POFUT4: variants seen among roughly 807,000 people sequenced by gnomAD.
POFUT4 encodes the protein protein O-fucosyltransferase 4, also known as GDP-fucose protein O-fucosyltransferase 4.
the POFUT4 span, chr10:73,773,682 GCCGAGAAAGCCCACGCGGCC>G: frequency 6.2e-7 from 1 of 1,614,236 alleles, no homozygotes; most frequent in South Asian, 1.1e-5. Context: ...TCGGCTGGAT[GCCGAGAAAGCCCACGCGGCC>G]TCTCCCGGGG....
the POFUT4 span, among the ~76,000 whole-genome samples, chr10:73,777,146 A>G: frequency 6.6e-6 from 1 of 152,206 alleles, no homozygotes; most frequent in Non-Finnish European, 1.5e-5. Flanking sequence ...TGGCTGTTAT[A>G]TGCCTTGTCA....
the POFUT4 span, chr10:73,772,413 T>C: frequency 1.9e-6 from 3 of 1,573,168 alleles, no homozygotes; most frequent in Non-Finnish European, 2.6e-6. Context: ...CATGGGTCCG[T>C]AGCGGAGAGG....
the POFUT4 span, chr10:73,773,635 A>G: frequency 5.4e-5 from 87 of 1,614,160 alleles, no homozygotes; most frequent in African/African-American, 9.3e-5. Context: ...AACTACCTCA[A>G]CGGCTTCGAG....
At chr10:73,774,851 C>T in the POFUT4 span, 1 of 155,238 alleles carries the variant, frequency 6.4e-6, no homozygotes, top group Non-Finnish European at 1.4e-5. Flanking sequence ...GCAAGCCACA[C>T]CTATTGGGGG....
chr10:73,772,798 G>C, the POFUT4 span: 1 of 1,611,528 alleles, frequency 6.2e-7, no homozygotes. Context: ...ACAACTTCTT[G>C]CTGAGCCACG....
the POFUT4 span, chr10:73,775,246 G>A: frequency 3.0e-5 from 19 of 629,212 alleles, no homozygotes; most frequent in Non-Finnish European, 4.5e-5. Context: ...GCCACTTCCA[G>A]TCTGGCCTCT....
chr10:73,773,906 C>A, the POFUT4 span: 1 of 1,404,202 alleles, frequency 7.1e-7, no homozygotes, highest in Non-Finnish European at 9.5e-7. Flanking sequence ...TGAGCAGGTG[C>A]AGGAGGAAAT....
At chr10:73,777,556 CTTTTT>C in the POFUT4 span, among the ~76,000 whole-genome samples, 1 of 142,784 alleles carries the variant, frequency 7.0e-6, no homozygotes, top group Non-Finnish European at 1.5e-5. Flanking sequence ...TTCCCTATGA[CTTTTT>C]TTTTTTTTTT....
the POFUT4 span, chr10:73,775,116 T>C: frequency 2.6e-6 from 1 of 382,106 alleles, no homozygotes; most frequent in Admixed American, 4.1e-5. Flanking sequence ...GTTATGTCTT[T>C]TCTAGATACT....
the POFUT4 span, chr10:73,772,882 G>C: frequency 1.9e-6 from 3 of 1,612,096 alleles, no homozygotes; most frequent in Middle Eastern, 3.3e-4. Context: ...CGCTGCAGTG[G>C]CTGCCCGGGA....
At chr10:73,773,938 A>T in the POFUT4 span, 5 of 1,102,164 alleles carry the variant, frequency 4.5e-6, no homozygotes, top group Non-Finnish European at 6.3e-6. Flanking sequence ...CTCATTCTGT[A>T]TTTAAGGTGT....
chr10:73,775,329 G>A, the POFUT4 span: 1 of 1,151,464 alleles, frequency 8.7e-7, no homozygotes, highest in Non-Finnish European at 1.3e-6. Context: ...TAATTGATTG[G>A]GTAGTCTGTG....
the POFUT4 span, chr10:73,772,719 C>T: frequency 6.3e-7 from 1 of 1,587,440 alleles, no homozygotes; most frequent in Non-Finnish European, 8.5e-7. Flanking sequence ...GACTTCCGCG[C>T]GTCGGCCGCC....
At chr10:73,772,932 GCGCGGAGTGGCGCCGC>G in the POFUT4 span, 6 of 1,608,258 alleles carry the variant, frequency 3.7e-6, no homozygotes, top group Non-Finnish European at 4.2e-6. Flanking sequence ...CCCATGGAAC[GCGCGGAGTGGCGCCGC>G]CGCGGCTACG....
At chr10:73,773,009 C>T in the POFUT4 span, 1 of 1,584,184 alleles carries the variant, frequency 6.3e-7, no homozygotes, top group Non-Finnish European at 8.6e-7. Flanking sequence ...GGACCGGGAC[C>T]GCTACGTGCG....
chr10:73,778,963 AC>A, the POFUT4 span: 1 of 150,806 alleles, frequency 6.6e-6, no homozygotes, highest in Non-Finnish European at 1.5e-5. Flanking sequence ...ACATGGTAAA[AC>A]CCCATCTCTA....
At chr10:73,777,177 C>T in the POFUT4 span, among the ~76,000 whole-genome samples, 1 of 152,076 alleles carries the variant, frequency 6.6e-6, no homozygotes, top group Admixed American at 6.6e-5. Context: ...TTGCCCTATC[C>T]TCTTTTTGAT....
chr10:73,772,914 T>G, the POFUT4 span: 1 of 1,610,976 alleles, frequency 6.2e-7, no homozygotes, highest in Admixed American at 1.7e-5. Flanking sequence ...CGCCGCCCGG[T>G]GCCTCCGCCC....
the POFUT4 span, chr10:73,780,097 G>A: frequency 5.3e-5 from 8 of 152,214 alleles, no homozygotes; most frequent in Admixed American, 5.2e-4. Context: ...GTATACAGAG[G>A]TTGGCATTAT....
Sources: allele counts gnomAD v4.1 joint callset (sites outside exome capture counted in the v4.1 genomes callset), GRCh38; gene constraint gnomAD v4.1.1; transcripts MANE v1.5; gene names NCBI Gene and HGNC (gene_info 2026-07-23, HGNC 2026-07-21).